TRAPPC12: variants seen among roughly 807,000 people sequenced by gnomAD.
TRAPPC12 encodes trafficking protein particle complex subunit 12.
Under a neutral mutation model 69.2 loss-of-function variants are expected in TRAPPC12, and 61 were observed. That is an observed-to-expected ratio of 0.88 (90% CI 0.72 to 1.09). The LOEUF is 1.09. Ranked by LOEUF, TRAPPC12 falls within the 50% of genes least tolerant of loss-of-function variation. The pLI is 0.00. For missense variants in TRAPPC12, 1,101 were observed against 1,016.4 expected (o/e 1.08, Z -1.13); for synonymous variants, 469 against 438.9 (o/e 1.07, Z -0.86).
intron 9 of TRAPPC12, among the ~76,000 whole-genome samples, chr2:3,469,696 T>C (rs1665977901): frequency 6.6e-6 from 1 of 152,206 alleles, no homozygotes; most frequent in Admixed American, 6.5e-5. Flanking sequence ...TGTCACCTTA[T>C]GTGCGTGCAT....
At chr2:3,390,609 A>G (rs1474066579) in intron 2 of TRAPPC12, among the ~76,000 whole-genome samples, 1 of 152,244 alleles carries the variant, frequency 6.6e-6, no homozygotes, top group Non-Finnish European at 1.5e-5. Flanking sequence ...CAGGTGGAAC[A>G]TAGAGGATTT....
In TRAPPC12 at chr2:3,403,492, G is replaced by C. The variant is rs1661568058; in HGVS notation, c.1164+1599G>C. Among the ~76,000 whole-genome samples the C allele has an allele frequency of 3.3e-5, 5 of 152,100 alleles. No individual in the cohort carries two copies. In the South Asian group the frequency reaches 1.0e-3, roughly 32 times the overall value. ...GTGATCCGCCTGCCTCACCCTCCCA[G>C]AGTGCTGGGATTATAGGCGTGAGCC... On this transcript the variant is annotated intron_variant, in intron 3 of 11. Transcript: ENST00000324266.
At chr2:3,436,403 A>G (rs955627858) in intron 5 of TRAPPC12, among the ~76,000 whole-genome samples, 4 of 152,146 alleles carry the variant, frequency 2.6e-5, no homozygotes, top group African/African-American at 9.7e-5. Context: ...TCTTTATTGT[A>G]TACTAAAGAA....
Position 3,388,427 on chromosome 2 carries a change from C to T in TRAPPC12, c.804C>T (p.Pro268=), listed in dbSNP as rs374028722. The T allele has an allele frequency of 7.7e-5, 123 of 1,606,462 alleles. No individual in the cohort carries two copies. In the African/African-American group the frequency reaches 1.5e-3, roughly 19 times the overall value. ...CCGAACCCGTGGCCATGCGAGGGCC[C>T]CAGGCAGCTGCGCCCCCGGCGTCGC... ...GRPEPVAMRG[P]QAAAPPASPE... Residue 268 remains proline, a synonymous_variant, in exon 2 of 12, where the codon CCC becomes CCT. Transcript: ENST00000324266.
At chr2:3,439,873 C>CTG (rs1664100603) in intron 5 of TRAPPC12, among the ~76,000 whole-genome samples, 1 of 145,978 alleles carries the variant, frequency 6.9e-6, no homozygotes, top group South Asian at 2.1e-4. Flanking sequence ...GATGTAAGAT[C>CTG]TGTGTCTAGA....
chr2:3,390,876 C>T (rs75790632), intron 2 of TRAPPC12, among the ~76,000 whole-genome samples: 3,407 of 152,160 alleles, frequency 0.022, 53 homozygotes, highest in Non-Finnish European at 0.035. Flanking sequence ...CGCTTAATTT[C>T]GCAGCAAACC....
chr2:3,459,992 G>A (rs1164831526), intron 7 of TRAPPC12: 1 of 546,194 alleles, frequency 1.8e-6, no homozygotes, highest in Non-Finnish European at 3.3e-6. Context: ...CGGACCATTT[G>A]GCCTTGTGTC....
rs751324801 is a variant in TRAPPC12 at position 3,424,523 on chromosome 2, A to G, written c.1279-2A>G. 3 of 1,611,974 alleles carry G rather than the reference A, an allele frequency of 1.9e-6. No homozygotes were observed. The Admixed American group carries it at 5.1e-5, about 27-fold the overall frequency. ...ATTGTTTCCATTGTATTTTGTTTTTAGCTCTGGTTTGTCAGGCTGGCACTA... is the reference window on the plus strand; with the variant it reads ...ATTGTTTCCATTGTATTTTGTTTTTGGCTCTGGTTTGTCAGGCTGGCACTA... On this transcript the variant is annotated splice_acceptor_variant, in intron 4 of 11. Coordinates refer to ENST00000324266, the MANE Select transcript of TRAPPC12 (RefSeq NM_016030.6). LOFTEE classifies it high-confidence loss of function.
At chr2:3,399,717 CTTTT>C (rs1315019136) in intron 2 of TRAPPC12, among the ~76,000 whole-genome samples, 1 of 152,106 alleles carries the variant, frequency 6.6e-6, no homozygotes, top group Non-Finnish European at 1.5e-5. Flanking sequence ...TTCTGTTCTT[CTTTT>C]AAGTGTCACT....
intron 6 of TRAPPC12, among the ~76,000 whole-genome samples, chr2:3,453,671 C>G (rs1232296351): frequency 6.6e-6 from 1 of 152,180 alleles, no homozygotes; most frequent in African/African-American, 2.4e-5. Context: ...TGATTGGTCT[C>G]TGATATAGAC....
chr2:3,385,405 A>T (rs1660445336), intron 1 of TRAPPC12, among the ~76,000 whole-genome samples: 1 of 152,094 alleles, frequency 6.6e-6, no homozygotes, highest in South Asian at 2.1e-4. Context: ...TTCCCATTTT[A>T]TCAGTTCTCC....
At chr2:3,410,035 G>T (rs1441721523) in intron 3 of TRAPPC12, among the ~76,000 whole-genome samples, 3 of 152,172 alleles carry the variant, frequency 2.0e-5, no homozygotes, top group Non-Finnish European at 4.4e-5. Context: ...GGGCTGCCCA[G>T]ACTCTCTCTG....
intron 3 of TRAPPC12, among the ~76,000 whole-genome samples, chr2:3,408,103 T>C (rs1188863537): frequency 6.6e-6 from 1 of 152,116 alleles, no homozygotes; most frequent in African/African-American, 2.4e-5. Context: ...AAGATCAGAA[T>C]GCTGAGGCTG....
At chr2:3,405,278 A>G (rs942402804) in intron 3 of TRAPPC12, among the ~76,000 whole-genome samples, 13 of 152,140 alleles carry the variant, frequency 8.5e-5, no homozygotes, top group Non-Finnish European at 1.6e-4. Context: ...ACTAAGATCT[A>G]CAAAGGTGTA....
At chr2:3,421,549 C>T (rs1214593269) in intron 3 of TRAPPC12, among the ~76,000 whole-genome samples, 1 of 152,170 alleles carries the variant, frequency 6.6e-6, no homozygotes, top group East Asian at 1.9e-4. Flanking sequence ...AAAAGGAAAC[C>T]AGTCATATAG....
chr2:3,473,438 A>T (rs771974624), intron 9 of TRAPPC12, among the ~76,000 whole-genome samples: 1 of 152,196 alleles, frequency 6.6e-6, no homozygotes, highest in Non-Finnish European at 1.5e-5. Context: ...AATTTAGACT[A>T]AAGTTTTCCG....
At chr2:3,455,984 G>A (rs1376094925) in intron 6 of TRAPPC12, 1 of 152,146 alleles carries the variant, frequency 6.6e-6, no homozygotes, top group Non-Finnish European at 1.5e-5. Flanking sequence ...GTGGACAAGG[G>A]GTGAGGGAAG....
intron 3 of TRAPPC12, among the ~76,000 whole-genome samples, chr2:3,416,518 C>T (rs1662407737): frequency 7.3e-6 from 1 of 136,346 alleles, no homozygotes; most frequent in Non-Finnish European, 1.6e-5. Context: ...TGTGCCCTCC[C>T]CCTGCCCCTT....
chr2:3,479,076 A>G, intron 11 of TRAPPC12, 143 bp downstream of exon 11: 1 of 1,495,102 alleles, frequency 6.7e-7, no homozygotes, highest in Non-Finnish European at 9.1e-7. Context: ...CCTTAGGGGA[A>G]GTGACCCAAC....
Sources: allele counts gnomAD v4.1 joint callset (sites outside exome capture counted in the v4.1 genomes callset), GRCh38; gene constraint gnomAD v4.1.1; transcripts MANE v1.5; gene names NCBI Gene and HGNC (gene_info 2026-07-23, HGNC 2026-07-21).